The following GLIS3 variants were observed in gnomAD, a reference collection of about 807,000 sequenced individuals.
GLIS3 encodes the protein zinc finger protein GLIS3.
GLIS3 carries 53 observed loss-of-function variants against 78.6 expected under a neutral mutation model. The observed-to-expected ratio is 0.67, with a 90% CI of 0.54 to 0.85. GLIS3 has a LOEUF of 0.85. GLIS3 is among the 40% of genes least tolerant of loss of function. The pLI is 0.00. For synonymous variants in GLIS3, 684 were observed against 509.9 expected (o/e 1.34, Z -4.60); for missense variants, 1,703 against 1,231.1 (o/e 1.38, Z -5.74).
intron 2 of GLIS3, among the ~76,000 whole-genome samples, chr9:4,156,484 A>G (rs554717091): frequency 6.6e-6 from 1 of 152,366 alleles, no homozygotes; most frequent in South Asian, 2.1e-4. Flanking sequence ...TATTACAGAC[A>G]GAATGTGGAA....
chr9:4,404,639 TAAG>T, the GLIS3 span, among the ~76,000 whole-genome samples: 19 of 152,234 alleles, frequency 1.2e-4, 1 homozygote, highest in African/African-American at 3.9e-4. Flanking sequence ...GTGAAGAAAT[TAAG>T]AAGAAAACTG....
At chr9:3,978,213 T>C (rs1397640507) in intron 4 of GLIS3, among the ~76,000 whole-genome samples, 1 of 152,198 alleles carries the variant, frequency 6.6e-6, no homozygotes, top group Non-Finnish European at 1.5e-5. Flanking sequence ...TAAACCTTTT[T>C]TTTTTTTAAA....
intron 4 of GLIS3, among the ~76,000 whole-genome samples, chr9:4,044,066 C>G (rs1468881711): frequency 6.6e-6 from 1 of 152,168 alleles, no homozygotes; most frequent in East Asian, 1.9e-4. Context: ...GGGTCCGGCA[C>G]AGAAGAGAAA....
chr9:4,057,955 A>C (rs1826286313), intron 4 of GLIS3, among the ~76,000 whole-genome samples: 1 of 152,182 alleles, frequency 6.6e-6, no homozygotes, highest in Non-Finnish European at 1.5e-5. Context: ...TATTCTAAAA[A>C]TATGTATAGG....
At chr9:4,489,733 T>C in the GLIS3 span, among the ~76,000 whole-genome samples, 13 of 152,282 alleles carry the variant, frequency 8.5e-5, 1 homozygote, top group South Asian at 2.7e-3. Context: ...TTCTAATCAC[T>C]GCCCCAAGCC....
At chr9:4,240,821 G>A (rs1318605772) in intron 2 of GLIS3, among the ~76,000 whole-genome samples, 1 of 152,028 alleles carries the variant, frequency 6.6e-6, no homozygotes, top group Non-Finnish European at 1.5e-5. Context: ...GTTTACCTGT[G>A]TAACAAACCT....
chr9:4,324,468 A>T (rs781496208), intron 2 of GLIS3, among the ~76,000 whole-genome samples: 2 of 152,236 alleles, frequency 1.3e-5, no homozygotes, highest in Non-Finnish European at 2.9e-5. Context: ...ATGAGATAAA[A>T]CAGGTGAAAA....
At chr9:4,255,902 C>T (rs1824887726) in intron 2 of GLIS3, among the ~76,000 whole-genome samples, 1 of 152,062 alleles carries the variant, frequency 6.6e-6, no homozygotes, top group Non-Finnish European at 1.5e-5. Context: ...TCCACTGTAA[C>T]GAGTGTACTA....
upstream of GLIS3, among the ~76,000 whole-genome samples, chr9:4,301,992 C>CTT (rs78812027): frequency 2.3e-5 from 3 of 132,836 alleles, no homozygotes; most frequent in African/African-American, 8.1e-5. Flanking sequence ...GAATTTTTTT[C>CTT]TTTTTTTTTT....
At chr9:4,419,649 C>G in the GLIS3 span, among the ~76,000 whole-genome samples, 6 of 142,320 alleles carry the variant, frequency 4.2e-5, no homozygotes, top group East Asian at 1.9e-4. Context: ...GCGTGGTGGT[C>G]CACGCCTGTA....
upstream of GLIS3, among the ~76,000 whole-genome samples, chr9:4,351,355 T>C (rs1461652715): frequency 1.4e-5 from 2 of 142,168 alleles, no homozygotes; most frequent in African/African-American, 2.7e-5. Context: ...CAGTGAACTG[T>C]AATCGCACCA....
At chr9:3,847,301 C>T (rs1819116839) in intron 9 of GLIS3, among the ~76,000 whole-genome samples, 1 of 152,206 alleles carries the variant, frequency 6.6e-6, no homozygotes. Context: ...GTCTGTAAGT[C>T]ACAATTTTGC....
At chr9:3,908,392 G>C (rs1823865990) in intron 6 of GLIS3, among the ~76,000 whole-genome samples, 1 of 152,192 alleles carries the variant, frequency 6.6e-6, no homozygotes, top group Non-Finnish European at 1.5e-5. Context: ...ACATAGACTT[G>C]TGACAACTCC....
intron 4 of GLIS3, among the ~76,000 whole-genome samples, chr9:3,949,390 A>G (rs1367299395): frequency 6.6e-6 from 1 of 152,232 alleles, no homozygotes; most frequent in Non-Finnish European, 1.5e-5. Flanking sequence ...TGCATCTGTG[A>G]GCCACTCAGA....
intron 2 of GLIS3, among the ~76,000 whole-genome samples, chr9:4,205,199 C>T (rs1563752735): frequency 1.4e-5 from 2 of 144,112 alleles, no homozygotes; most frequent in Non-Finnish European, 3.0e-5. Context: ...AAAAAGGAAT[C>T]AGTTATGACT....
At chr9:4,126,522 C>T (rs1311651691) in intron 2 of GLIS3, among the ~76,000 whole-genome samples, 1 of 152,068 alleles carries the variant, frequency 6.6e-6, no homozygotes, top group East Asian at 1.9e-4. Context: ...AAACAAAATG[C>T]TCATTTGAAA....
intron 4 of GLIS3, among the ~76,000 whole-genome samples, chr9:4,092,127 T>C (rs917970616): frequency 6.7e-6 from 1 of 150,044 alleles, no homozygotes; most frequent in African/African-American, 2.5e-5. Flanking sequence ...TAATAATAAA[T>C]TTATCTTACT....
intron 2 of GLIS3, among the ~76,000 whole-genome samples, chr9:4,166,026 C>T (rs941361561): frequency 1.3e-5 from 2 of 152,124 alleles, no homozygotes; most frequent in Non-Finnish European, 2.9e-5. Context: ...AGGCGAGAGA[C>T]CAGGTGCCTT....
intron 8 of GLIS3, among the ~76,000 whole-genome samples, chr9:3,874,873 C>G (rs1821210519): frequency 6.6e-6 from 1 of 152,164 alleles, no homozygotes; most frequent in Non-Finnish European, 1.5e-5. Context: ...ATAGGAAGCC[C>G]TTCATAAGCC....
Sources: allele counts gnomAD v4.1 joint callset (sites outside exome capture counted in the v4.1 genomes callset), GRCh38; gene constraint gnomAD v4.1.1; transcripts MANE v1.5; gene names NCBI Gene and HGNC (gene_info 2026-07-23, HGNC 2026-07-21).